FAM184B: variants seen among roughly 807,000 people sequenced by gnomAD.
FAM184B encodes protein FAM184B.
A neutral mutation model predicts 135.9 loss-of-function variants in FAM184B; 111 were observed. That is an observed-to-expected ratio of 0.82 (90% CI 0.70 to 0.96). FAM184B has a LOEUF of 0.96. Ranked by LOEUF, FAM184B falls within the 40% of genes least tolerant of loss-of-function variation. The probability of loss-of-function intolerance (pLI) is 0.00; values close to 1 mark genes in which losing one functional copy is unlikely to be tolerated. For missense variants in FAM184B, 1,375 were observed against 1,323.9 expected (o/e 1.04, Z -0.60); for synonymous variants, 552 against 524.8 (o/e 1.05, Z -0.71).
rs775559952 is a variant in FAM184B at position 17,705,797 on chromosome 4, G to T, written c.1125C>A (p.Ser375Arg). The T allele has an allele frequency of 5.2e-6, 8 of 1,551,812 alleles. No homozygotes were observed. The highest frequency in any genetic ancestry group is 7.0e-6 in the Non-Finnish European group (8 of 1,147,056). ...AGNLHPQQDQ[S>R]CLKECPCMKG... Reference sequence around the variant, plus strand: ...TCATGCAAGGGCACTCCTTGAGACAGCTTTGATCCTGCTGAGGATGAAGAT... The same window carrying T: ...TCATGCAAGGGCACTCCTTGAGACATCTTTGATCCTGCTGAGGATGAAGAT... The change falls in exon 4 of 18, where the codon AGC becomes AGA. Residue 375 changes from serine to arginine, a missense_variant. By Grantham distance (110) the Ser-to-Arg change is moderately radical. Transcript: ENST00000265018.
intron 10 of FAM184B, among the ~76,000 whole-genome samples, chr4:17,657,018 A>G (rs527601888): frequency 6.6e-6 from 1 of 152,254 alleles, no homozygotes; most frequent in African/African-American, 2.4e-5. Context: ...TATACAATAT[A>G]TATTTTTAAT....
chr4:17,714,671 G>A (rs1717368221), intron 1 of FAM184B, among the ~76,000 whole-genome samples: 1 of 152,158 alleles, frequency 6.6e-6, no homozygotes, highest in African/African-American at 2.4e-5. Flanking sequence ...ATTTATGACA[G>A]TGAAAGGTAC....
intron 1 of FAM184B, among the ~76,000 whole-genome samples, chr4:17,776,889 C>T (rs906125884): frequency 2.6e-5 from 4 of 151,996 alleles, no homozygotes; most frequent in Admixed American, 2.0e-4. Context: ...GAATTGGGTG[C>T]GTAGGGATGT....
At chr4:17,679,387 G>T (rs1316436948) in intron 7 of FAM184B, among the ~76,000 whole-genome samples, 1 of 152,064 alleles carries the variant, frequency 6.6e-6, no homozygotes, top group Non-Finnish European at 1.5e-5. Flanking sequence ...CTCAAAAGAA[G>T]ATATACAAAT....
intron 1 of FAM184B, among the ~76,000 whole-genome samples, chr4:17,735,369 G>C (rs1433418251): frequency 2.0e-5 from 3 of 151,494 alleles, no homozygotes; most frequent in Non-Finnish European, 2.9e-5. Context: ...AAGAAAGTTC[G>C]ATTATAAAAA....
intron 1 of FAM184B, among the ~76,000 whole-genome samples, chr4:17,734,882 G>A (rs572503969): frequency 2.0e-4 from 31 of 152,030 alleles, no homozygotes; most frequent in African/African-American, 6.8e-4. Flanking sequence ...ACATGCACAC[G>A]TATGTTTACT....
intron 5 of FAM184B, among the ~76,000 whole-genome samples, chr4:17,702,874 TG>T (rs1337223290): frequency 6.6e-6 from 1 of 152,042 alleles, no homozygotes; most frequent in Admixed American, 6.5e-5. Flanking sequence ...AGTGTCCATC[TG>T]TTTGTCTGAG....
At chr4:17,748,510 T>G (rs558952528) in intron 1 of FAM184B, among the ~76,000 whole-genome samples, 3,311 of 54,674 alleles carry the variant, frequency 0.061, 143 homozygotes, top group African/African-American at 0.13. Flanking sequence ...GTGTAATTTT[T>G]TTTTTTTTTT....
chr4:17,638,180 TTTTTG>T (rs377120925), intron 14 of FAM184B, among the ~76,000 whole-genome samples: 1,534 of 147,172 alleles, frequency 0.01, 39 homozygotes, highest in African/African-American at 0.036. Flanking sequence ...GGGTCTATTT[TTTTTG>T]TTTTGTTTTG....
chr4:17,647,547 C>A (rs1490271053), intron 12 of FAM184B, 90 bp downstream of exon 12: 2 of 1,439,596 alleles, frequency 1.4e-6, no homozygotes, highest in African/African-American at 2.8e-5. Context: ...CTGCACTCAG[C>A]CTCAGAGCCC....
At chr4:17,641,976 G>A in intron 13 of FAM184B, 80 bp downstream of exon 13, 14 of 1,375,266 alleles carry the variant, frequency 1.0e-5, no homozygotes, top group Non-Finnish European at 1.3e-5. Context: ...CTCAGGCTCA[G>A]CCAGCCGCAG....
At chr4:17,760,340 T>C (rs1352481827) in intron 1 of FAM184B, among the ~76,000 whole-genome samples, 2 of 151,986 alleles carry the variant, frequency 1.3e-5, no homozygotes, top group Non-Finnish European at 2.9e-5. Context: ...GGCGTGTGCC[T>C]GTAGTCCCAG....
intron 1 of FAM184B, among the ~76,000 whole-genome samples, chr4:17,720,255 C>T (rs1717489825): frequency 6.6e-6 from 1 of 152,182 alleles, no homozygotes; most frequent in South Asian, 2.1e-4. Context: ...GATATTGAAC[C>T]TGCAGCTCAA....
At chr4:17,749,882 C>T (rs1275014310) in intron 1 of FAM184B, among the ~76,000 whole-genome samples, 2 of 151,318 alleles carry the variant, frequency 1.3e-5, no homozygotes, top group Non-Finnish European at 3.0e-5. Flanking sequence ...TATTTTATTT[C>T]GTCACTTTTA....
chr4:17,745,160 A>G (rs1718132607), intron 1 of FAM184B, among the ~76,000 whole-genome samples: 1 of 152,264 alleles, frequency 6.6e-6, no homozygotes, highest in African/African-American at 2.4e-5. Flanking sequence ...GGATGGGGCC[A>G]GGCATTGGAG....
chr4:17,656,435 C>T (rs1248174176), intron 10 of FAM184B, among the ~76,000 whole-genome samples: 9 of 152,172 alleles, frequency 5.9e-5, no homozygotes, highest in Middle Eastern at 3.4e-3. Flanking sequence ...GGAGTCTTGC[C>T]GTGTTGCCCA....
intron 1 of FAM184B, among the ~76,000 whole-genome samples, chr4:17,721,951 A>C (rs1717542006): frequency 6.6e-6 from 1 of 152,212 alleles, no homozygotes. Context: ...ACTGCATCTC[A>C]TAACTGCATC....
chr4:17,694,033 G>A (rs770134457), intron 5 of FAM184B, among the ~76,000 whole-genome samples: 1 of 152,198 alleles, frequency 6.6e-6, no homozygotes, highest in Non-Finnish European at 1.5e-5. Context: ...CACAGCCCAT[G>A]AGCCTCAGTG....
At chr4:17,636,791 C>G (rs1005745178) in intron 14 of FAM184B, 146 bp from the exon 15 acceptor site, 17 of 660,398 alleles carry the variant, frequency 2.6e-5, no homozygotes, top group Middle Eastern at 2.7e-4. Context: ...CCAGGGCCCC[C>G]TGGGGAGATG....
Sources: allele counts gnomAD v4.1 joint callset (sites outside exome capture counted in the v4.1 genomes callset), GRCh38; gene constraint gnomAD v4.1.1; transcripts MANE v1.5; gene names NCBI Gene and HGNC (gene_info 2026-07-23, HGNC 2026-07-21).